The following DOCK8 variants were observed in gnomAD, a reference collection of about 807,000 sequenced individuals.
DOCK8 encodes dedicator of cytokinesis protein 8.
In DOCK8, 141 loss-of-function variants were observed where a neutral mutation model predicts 245.6. The observed-to-expected ratio is 0.57, with a 90% CI of 0.50 to 0.66. DOCK8 has a LOEUF of 0.66. DOCK8 is among the 30% of genes least tolerant of loss of function. The probability of loss-of-function intolerance (pLI) is 0.00; values close to 1 mark genes in which losing one functional copy is unlikely to be tolerated. For missense variants in DOCK8, 2,965 were observed against 2,603.4 expected, an observed-to-expected ratio of 1.14 and a Z score of -3.02; for synonymous variants, 1,168 against 970.2, an observed-to-expected ratio of 1.20 and a Z score of -3.79.
chr9:338,160 GA>G (rs58900019), intron 12 of DOCK8, among the ~76,000 whole-genome samples: 17,138 of 141,176 alleles, frequency 0.12, 1,290 homozygotes, highest in African/African-American at 0.22. Context: ...TCTCAGAAAA[GA>G]AAAAAAAAAA....
intron 14 of DOCK8, among the ~76,000 whole-genome samples, chr9:363,544 A>G (rs576530619): frequency 9.2e-4 from 140 of 152,360 alleles, no homozygotes; most frequent in Middle Eastern, 3.4e-3. Context: ...CAGATTTAAC[A>G]AAACATATTA....
intron 3 of DOCK8, among the ~76,000 whole-genome samples, chr9:288,668 T>C (rs2048921836): frequency 1.3e-5 from 2 of 152,298 alleles, no homozygotes; most frequent in South Asian, 2.1e-4. Flanking sequence ...CTTACTACTC[T>C]AACAGCTTTA....
chr9:372,273 T>C lies in DOCK8; in HGVS notation c.2096T>C (p.Met699Thr), dbSNP rs1245754390. 8.1e-6 allele frequency: 13 copies of C among 1,613,736 alleles called. No homozygotes were observed. The highest frequency in any genetic ancestry group is 1.1e-5 in the Non-Finnish European group (13 of 1,179,796). ...GAAAAATTGCCACCCAACTACTCCATGCATTCTGCTGAGGTAATTGGCAAG... is the reference window on the plus strand; with the variant it reads ...GAAAAATTGCCACCCAACTACTCCACGCATTCTGCTGAGGTAATTGGCAAG... ...ALEKLPPNYS[M>T]HSAEKVPLQN... The change falls in exon 18 of 48, where the codon ATG (methionine) becomes ACG (threonine). Residue 699 changes from methionine to threonine, a missense_variant. This residue lies in a region of DOCK8 where 2,825 missense variants were observed against 2,453.5 expected (regional missense o/e 1.15). Coordinates refer to ENST00000432829, the MANE Select transcript of DOCK8 (RefSeq NM_203447.4).
intron 11 of DOCK8, among the ~76,000 whole-genome samples, chr9:335,134 C>T (rs2051248961): frequency 6.6e-6 from 1 of 152,206 alleles, no homozygotes; most frequent in South Asian, 2.1e-4. Flanking sequence ...ATTTCCAGTT[C>T]GTTAAAGTTT....
intron 4 of DOCK8, among the ~76,000 whole-genome samples, chr9:293,074 G>C (rs785852): frequency 0.52 from 79,384 of 152,056 alleles, 21,244 homozygotes; most frequent in East Asian, 0.76. Flanking sequence ...CATTGGCCCA[G>C]TTCTCTGCAC....
Position 464,146 on chromosome 9 carries a change from T to C in DOCK8, c.6240-13T>C, listed in dbSNP as rs1326790805. The C allele has an allele frequency of 1.2e-6, 2 of 1,609,292 alleles. No homozygotes were observed. Among genetic ancestry groups the C allele is most frequent in the Admixed American group, 1.7e-5 (1 of 60,000 alleles). ...TCTCTTTCCCTCTCCTCCCTCTCTT[T>C]TCTTAATTTCAGGGACTCCTTCCAC... On this transcript the variant is annotated splice_polypyrimidine_tract_variant and intron_variant, in intron 47 of 47. Transcript: ENST00000432829.
At chr9:379,072 A>G (rs2053632282) in intron 20 of DOCK8, among the ~76,000 whole-genome samples, 1 of 152,188 alleles carries the variant, frequency 6.6e-6, no homozygotes, top group Non-Finnish European at 1.5e-5. Context: ...AGCATGAGCA[A>G]AGTCTCAGAG....
Position 401,003 on chromosome 9 carries a change from ATTAGCT to A in DOCK8, c.3234+1745_3234+1750del, listed in dbSNP as rs1564017256. On this transcript the variant is annotated intron_variant, in intron 26 of 47. Coordinates refer to ENST00000432829, the MANE Select transcript of DOCK8 (RefSeq NM_203447.4). ...CACCACCTCCTCCACCACCACCACC[ATTAGCT>A]CCACCATGACCACCTCCTTCACCTC... Among the ~76,000 whole-genome samples the A allele has an allele frequency of 7.8e-5, 7 of 89,738 alleles. 1 individual carries two copies. The highest frequency in any genetic ancestry group is 1.4e-4 in the African/African-American group (3 of 21,006). The allele number at this position is 89,738 out of a possible 152,430, so 58.9% of individuals were successfully genotyped here.
At chr9:246,858 C>T (rs1249066080) in intron 1 of DOCK8, among the ~76,000 whole-genome samples, 1 of 152,064 alleles carries the variant, frequency 6.6e-6, no homozygotes, top group African/African-American at 2.4e-5. Flanking sequence ...TCAACTGATC[C>T]TCCTTTCTCA....
At chr9:292,387 CAAAA>C (rs5895837) in intron 4 of DOCK8, among the ~76,000 whole-genome samples, 27 of 63,072 alleles carry the variant, frequency 4.3e-4, no homozygotes, top group South Asian at 9.6e-4. Flanking sequence ...AACTCCGTCT[CAAAA>C]AAAAAAAAAA....
At chr9:432,129 A>C (rs1332522771) in intron 36 of DOCK8, 37 bp from the exon 37 acceptor site, 1 of 1,583,084 alleles carries the variant, frequency 6.3e-7, no homozygotes, top group Admixed American at 1.8e-5. Flanking sequence ...AGTGTGTCTT[A>C]TTTACTTCAT....
intron 26 of DOCK8, among the ~76,000 whole-genome samples, chr9:401,556 A>T (rs2055103130): frequency 6.6e-6 from 1 of 152,150 alleles, no homozygotes; most frequent in Admixed American, 6.5e-5. Flanking sequence ...TCGAGATTTT[A>T]TGGGGTCTGC....
intron 45 of DOCK8, among the ~76,000 whole-genome samples, chr9:451,747 T>G (rs1349651256): frequency 6.6e-6 from 1 of 151,936 alleles, no homozygotes; most frequent in African/African-American, 2.4e-5. Context: ...TTCCTTATTT[T>G]TTTTTGTTTA....
chr9:395,922 ATCTT>A (rs1366240636), intron 24 of DOCK8, among the ~76,000 whole-genome samples: 3 of 152,202 alleles, frequency 2.0e-5, no homozygotes, highest in African/African-American at 4.8e-5. Context: ...GTATATAAAT[ATCTT>A]TCTGTCAGTT....
At chr9:284,670 T>C (rs2048735900) in intron 2 of DOCK8, 1 of 152,138 alleles carries the variant, frequency 6.6e-6, no homozygotes, top group Non-Finnish European at 1.5e-5. Context: ...CTATTCACAA[T>C]AGCAAAGACA....
intron 1 of DOCK8, chr9:215,318 G>C (rs1209695493): frequency 1.9e-6 from 3 of 1,604,312 alleles, no homozygotes; most frequent in Admixed American, 3.4e-5. Flanking sequence ...CCGCCCTCCA[G>C]GTTCTTACAG....
At chr9:283,715 G>T (rs1163750167) in intron 2 of DOCK8, among the ~76,000 whole-genome samples, 1 of 152,162 alleles carries the variant, frequency 6.6e-6, no homozygotes, top group Admixed American at 6.5e-5. Flanking sequence ...TGCTGCAAGA[G>T]ACATGATTTC....
chr9:272,996 C>G, intron 2 of DOCK8: 1 of 979,922 alleles, frequency 1.0e-6, no homozygotes, highest in Non-Finnish European at 1.2e-6. Context: ...TACTTCGAAA[C>G]CACTTCTGCC....
Position 356,435 on chromosome 9 carries a change from C to A in DOCK8, c.1680-11583C>A, listed in dbSNP as rs140354631. On this transcript the variant is annotated intron_variant, in intron 14 of 47. Transcript: ENST00000432829. ...ATCCCAGCTACTCCGGAGGCTGAGG[C>A]AGGAGAATAGCGTGAACCCAGGAGG... Among the ~76,000 whole-genome samples, 820 of 150,668 alleles carry A rather than the reference C, an allele frequency of 5.4e-3. 13 individuals carry two copies. The highest frequency in any genetic ancestry group is 0.019 in the African/African-American group (764 of 41,022).
Sources: gnomAD v4.1 joint callset for allele counts (sites outside exome capture counted in the v4.1 genomes callset) on GRCh38, gnomAD v4.1.1 for gene constraint, gnomAD v4.1.1 regional missense constraint, MANE v1.5 for transcripts, NCBI Gene and HGNC (gene_info 2026-07-23, HGNC 2026-07-21) for gene names.